The following RASGEF1C variants were observed in gnomAD, a reference collection of about 807,000 sequenced individuals.
RASGEF1C encodes RasGEF domain family member 1C, also known as ras-GEF domain-containing family member 1C.
A neutral mutation model predicts 58.1 loss-of-function variants in RASGEF1C; 27 were observed. The observed-to-expected ratio is 0.46, with a 90% CI of 0.34 to 0.64. The LOEUF (loss-of-function observed/expected upper bound fraction) is 0.64. Among genes scored for constraint, RASGEF1C ranks in the 30% least tolerant of loss-of-function variants. The pLI is 0.01. For missense variants in RASGEF1C, 502 were observed against 605.1 expected (o/e 0.83, Z 1.79); for synonymous variants, 243 against 246.3 (o/e 0.99, Z 0.13).
chr5:180,161,845 G>T (rs1766949985), intron 1 of RASGEF1C, among the ~76,000 whole-genome samples: 1 of 149,720 alleles, frequency 6.7e-6, no homozygotes. Flanking sequence ...CATCGCTGGG[G>T]CTACTTTCTC....
At chr5:180,204,225 G>A (rs183925002) in intron 1 of RASGEF1C, among the ~76,000 whole-genome samples, 14 of 152,272 alleles carry the variant, frequency 9.2e-5, no homozygotes, top group East Asian at 5.8e-4. Context: ...GCCATTATAA[G>A]CAATGCTGTT....
intron 12 of RASGEF1C, among the ~76,000 whole-genome samples, chr5:180,109,318 C>T (rs901719025): frequency 2.0e-5 from 3 of 151,942 alleles, no homozygotes; most frequent in Admixed American, 6.6e-5. Flanking sequence ...ATTAGCCGGG[C>T]GTGGTGGTGG....
At chr5:180,170,368 C>T (rs1273869485) in intron 1 of RASGEF1C, among the ~76,000 whole-genome samples, 2 of 152,212 alleles carry the variant, frequency 1.3e-5, no homozygotes, top group Admixed American at 6.5e-5. Flanking sequence ...AGAAAACAAG[C>T]GTCCTATTTA....
At chr5:180,117,994 C>CAAAAAA (rs3078957) in intron 10 of RASGEF1C, among the ~76,000 whole-genome samples, 31 of 108,648 alleles carry the variant, frequency 2.9e-4, no homozygotes, top group African/African-American at 1.1e-3. Context: ...ACTCCATCTC[C>CAAAAAA]AAAAAAAAAA....
intron 1 of RASGEF1C, among the ~76,000 whole-genome samples, chr5:180,172,625 T>C (rs1767129733): frequency 6.6e-6 from 1 of 152,158 alleles, no homozygotes. Context: ...AGGTCTGTAC[T>C]GTCCTTTCTC....
At position 180,127,843 on chromosome 5, in the gene RASGEF1C, A is replaced by G. The variant is rs75150156; in HGVS notation, c.640-160T>C. On this transcript the variant is annotated intron_variant, in intron 5 of 13. Coordinates refer to ENST00000361132, the MANE Select transcript of RASGEF1C (RefSeq NM_175062.4). ...CTTGGAGACCCTGTTTTAGGTTGTC[A>G]CAGAGCTCAGCGCCTTCCCTGGAGG... 3.2e-3 allele frequency among the ~76,000 whole-genome samples: 492 copies of G among 152,272 alleles called. 2 individuals are homozygous for G. The highest frequency in any genetic ancestry group is 0.018 in the South Asian group (87 of 4,828).
chr5:180,184,214 G>A (rs1046045811), intron 1 of RASGEF1C, among the ~76,000 whole-genome samples: 2 of 151,246 alleles, frequency 1.3e-5, no homozygotes, highest in Admixed American at 1.3e-4. Context: ...AATAGAAGGT[G>A]GTTAATTTAA....
intron 1 of RASGEF1C, among the ~76,000 whole-genome samples, chr5:180,149,189 G>A (rs1766708386): frequency 6.7e-6 from 1 of 148,162 alleles, no homozygotes; most frequent in Admixed American, 6.9e-5. Flanking sequence ...CTGGGTTCAA[G>A]TGATTTTCCT....
At chr5:180,162,339 A>C (rs1355343647) in intron 1 of RASGEF1C, among the ~76,000 whole-genome samples, 4 of 152,236 alleles carry the variant, frequency 2.6e-5, no homozygotes, top group Admixed American at 2.0e-4. Context: ...TGGGCTGGGC[A>C]GTGGAGAAAC....
chr5:180,131,530 G>C (rs1297761265), intron 4 of RASGEF1C, among the ~76,000 whole-genome samples: 1 of 152,198 alleles, frequency 6.6e-6, no homozygotes, highest in Non-Finnish European at 1.5e-5. Flanking sequence ...AGCTGTCAGG[G>C]AAATGATTCT....
intron 10 of RASGEF1C, among the ~76,000 whole-genome samples, chr5:180,114,925 CAG>C (rs1257735830): frequency 2.0e-5 from 3 of 152,232 alleles, no homozygotes; most frequent in Admixed American, 6.5e-5. Flanking sequence ...CAAAGGTCCA[CAG>C]GCTTGTGGGC....
At position 180,199,724 on chromosome 5, in the gene RASGEF1C, C is replaced by T. The variant is rs188554721; in HGVS notation, c.-7+9304G>A. Reference sequence around the variant, plus strand: ...CCTCCCTCCTTCCTTCCTTCTTTCCCGGATGGGATCTTGTTCTGTAGCCTT... The same window carrying T: ...CCTCCCTCCTTCCTTCCTTCTTTCCTGGATGGGATCTTGTTCTGTAGCCTT... On this transcript the variant is annotated intron_variant, in intron 1 of 13. Transcript: ENST00000361132. Among the ~76,000 whole-genome samples, 147 of 144,936 alleles carry T rather than the reference C, an allele frequency of 1.0e-3. 1 individual carries two copies. The highest frequency in any genetic ancestry group is 3.5e-3 in the African/African-American group (138 of 39,906).
In RASGEF1C at chr5:180,133,674, C is replaced by CTATGGTTTGTTATGGT. The variant is rs1474837469; in HGVS notation, c.438+2703_438+2704insACCATAACAAACCATA. ...ATGTCTATGGTTTGCTTACAGCTAA[C>CTATGGTTTGTTATGGT]TTGTGGGAAAGCAAAATGTGTGTGA... On this transcript the variant is annotated intron_variant, in intron 4 of 13. Transcript: ENST00000361132. Among the ~76,000 whole-genome samples the CTATGGTTTGTTATGGT allele has an allele frequency of 7.2e-3, 1,091 of 152,342 alleles. 12 individuals carry two copies. Among genetic ancestry groups the CTATGGTTTGTTATGGT allele is most frequent in the African/African-American group, 0.025 (1,059 of 41,558 alleles).
rs188882609 is a variant in RASGEF1C at position 180,140,721 on chromosome 5, C to T, written c.-6-2663G>A. 1.4e-4 allele frequency among the ~76,000 whole-genome samples: 21 copies of T among 152,310 alleles called. No homozygotes were observed. In the East Asian group the frequency reaches 3.1e-3, roughly 22 times the overall value. On this transcript the variant is annotated intron_variant, in intron 1 of 13. Coordinates refer to ENST00000361132, the MANE Select transcript of RASGEF1C (RefSeq NM_175062.4). ...CTCCATCCGCCAGGGACAGCCAGCTCCTCCTCCCTCCAGCAGGAGCTCCAG... is the reference window on the plus strand; with the variant it reads ...CTCCATCCGCCAGGGACAGCCAGCTTCTCCTCCCTCCAGCAGGAGCTCCAG...
chr5:180,110,754 C>T (rs1436868058), intron 12 of RASGEF1C, among the ~76,000 whole-genome samples: 4 of 152,190 alleles, frequency 2.6e-5, no homozygotes, highest in African/African-American at 7.2e-5. Context: ...CCTGCACACA[C>T]GTACACGCCT....
intron 1 of RASGEF1C, among the ~76,000 whole-genome samples, chr5:180,149,088 C>CTTTT (rs61204210): frequency 2.7e-5 from 3 of 110,174 alleles, no homozygotes; most frequent in African/African-American, 1.0e-4. Context: ...CTTTTTTTTT[C>CTTTT]TTTTTTTTTT....
chr5:180,189,185 A>G (rs916223444), intron 1 of RASGEF1C, among the ~76,000 whole-genome samples: 1 of 152,214 alleles, frequency 6.6e-6, no homozygotes, highest in African/African-American at 2.4e-5. Flanking sequence ...TAAAAACACT[A>G]TTTACACTAC....
At chr5:180,167,578 A>G (rs1004547026) in intron 1 of RASGEF1C, among the ~76,000 whole-genome samples, 1 of 152,166 alleles carries the variant, frequency 6.6e-6, no homozygotes, top group Non-Finnish European at 1.5e-5. Flanking sequence ...TTGTTTCTTT[A>G]TACCTCTATT....
chr5:180,166,515 CT>C (rs543849836), intron 1 of RASGEF1C, among the ~76,000 whole-genome samples: 2,065 of 137,828 alleles, frequency 0.015, 17 homozygotes, highest in South Asian at 0.029. Flanking sequence ...AAGAATTTTT[CT>C]TTTTTTTTTT....
Sources: allele counts gnomAD v4.1 joint callset (sites outside exome capture counted in the v4.1 genomes callset), GRCh38; gene constraint gnomAD v4.1.1; transcripts MANE v1.5; gene names NCBI Gene and HGNC (gene_info 2026-07-23, HGNC 2026-07-21).